Variants in FRY observed in about 807,000 individuals in gnomAD.
FRY encodes the protein FRY microtubule binding protein.
Under a neutral mutation model 348.4 loss-of-function variants are expected in FRY, and 128 were observed. The observed-to-expected ratio is 0.37, with a 90% CI of 0.32 to 0.43. The LOEUF (loss-of-function observed/expected upper bound fraction) is 0.43, where lower values mean the gene tolerates loss of function less well. FRY is among the 20% of genes least tolerant of loss of function. FRY has a pLI of 1.00. For synonymous variants in FRY, 1,370 were observed against 1,374.7 expected, an observed-to-expected ratio of 1.00 and a Z score of 0.08; for missense variants, 2,736 against 3,695.2, an observed-to-expected ratio of 0.74 and a Z score of 6.73.
In FRY at chr13:32,236,109, A is replaced by G; in HGVS notation, c.5747A>G (p.Glu1916Gly). Reference sequence around the variant, plus strand: ...GTAATGGAAGCGCTCCTAACCTTGGAGGCGGCTGTGGATAACTTGTCTGAC... The same window carrying G: ...GTAATGGAAGCGCTCCTAACCTTGGGGGCGGCTGTGGATAACTTGTCTGAC... The part of the protein sequence containing the change: ...GYVMEALLTL[E>G]AAVDNLSDCL... Residue 1916 changes from glutamate to glycine, a missense_variant, in exon 43 of 61, where the codon GAG becomes GGG. By Grantham distance (98) the Glu-to-Gly change is moderately conservative. Around this residue, in one of 9 missense-constraint regions of FRY, gnomAD observed 794 missense variants for 977.0 expected, o/e 0.81. Coordinates refer to ENST00000542859, the MANE Select transcript of FRY (RefSeq NM_023037.3). The G allele has an allele frequency of 6.2e-7, 1 of 1,614,038 alleles. No individual in the cohort carries two copies. Among genetic ancestry groups the G allele is most frequent in the Non-Finnish European group, 8.5e-7 (1 of 1,179,906 alleles).
rs1566146129 is a variant in FRY at position 32,224,330 on chromosome 13, G to A, written c.4861G>A (p.Ala1621Thr). The A allele has an allele frequency of 1.2e-6, 2 of 1,613,918 alleles. No individual in the cohort carries two copies. The highest frequency in any genetic ancestry group is 1.7e-6 in the Non-Finnish European group (2 of 1,179,944). Reference protein sequence around the residue: ...LPMPCTGGCWAPLVDYLPETI... With the variant: ...LPMPCTGGCWTPLVDYLPETI... The stretch of plus-strand genomic sequence containing the variant: ...GATGCCTTGTACTGGAGGATGCTGG[G>A]CCCCCCTGGTTGACTATCTCCCGGA... Residue 1621 changes from alanine to threonine, a missense_variant, in exon 37 of 61, where the codon GCC becomes ACC. Ala to Thr is a moderately conservative substitution (Grantham distance 58). This residue lies in a region of FRY where 794 missense variants were observed against 977.0 expected (regional missense o/e 0.81). Transcript: ENST00000542859.
chr13:32,064,945 C>A (rs972587622), intron 1 of FRY, among the ~76,000 whole-genome samples: 1 of 152,218 alleles, frequency 6.6e-6, no homozygotes, highest in Non-Finnish European at 1.5e-5. Flanking sequence ...CACCTCCACT[C>A]ATCCTTGCTG....
At chr13:32,235,064 T>G (rs1299338086) in intron 42 of FRY, among the ~76,000 whole-genome samples, 1 of 152,216 alleles carries the variant, frequency 6.6e-6, no homozygotes, top group African/African-American at 2.4e-5. Flanking sequence ...GGGATTATTT[T>G]GTATAGTTTG....
chr13:32,063,410 G>A (rs373151664), intron 1 of FRY, among the ~76,000 whole-genome samples: 5 of 152,246 alleles, frequency 3.3e-5, no homozygotes, highest in African/African-American at 1.2e-4. Context: ...ATAACAGTAT[G>A]GGAAATACTA....
intron 17 of FRY, among the ~76,000 whole-genome samples, chr13:32,164,899 T>G (rs1261656545): frequency 6.6e-6 from 1 of 152,220 alleles, no homozygotes; most frequent in Non-Finnish European, 1.5e-5. Flanking sequence ...CTCCTTTCCT[T>G]GTCACTTCCT....
chr13:32,208,091 T>C (rs1884458825), intron 31 of FRY, among the ~76,000 whole-genome samples: 1 of 152,246 alleles, frequency 6.6e-6, no homozygotes, highest in South Asian at 2.1e-4. Context: ...GTGAAATAAC[T>C]GGACCAGACC....
chr13:32,231,116 T>C, intron 40 of FRY, 63 bp from the exon 41 acceptor site: 1 of 1,433,344 alleles, frequency 7.0e-7, no homozygotes, highest in South Asian at 1.2e-5. Flanking sequence ...CAGGACTGTA[T>C]GTGTAGTTTT....
rs1885732464 is a variant in FRY, at chr13:32,228,562, C to T, written c.5313C>T (p.Asn1771=). 6.2e-7 allele frequency: 1 copy of T among 1,613,994 alleles called. No individual in the cohort carries two copies. The highest frequency in any genetic ancestry group is 8.5e-7 in the Non-Finnish European group (1 of 1,179,906). Reference sequence around the variant, plus strand: ...TCAGTCTGGGAGGCAGCAGTGGAAACCTCCCACAGATGACCCAGGAGGTAG... The same window carrying T: ...TCAGTCTGGGAGGCAGCAGTGGAAATCTCCCACAGATGACCCAGGAGGTAG... ...SSISLGGSSG[N]LPQMTQEVED... is the part of the protein sequence containing the mutation. The change falls in exon 40 of 61, where the codon AAC becomes AAT. Residue 1771 remains asparagine (N), a synonymous_variant. Transcript: ENST00000542859.
Position 32,261,763 on chromosome 13 carries a change from T to A in FRY, c.7564T>A (p.Ser2522Thr), listed in dbSNP as rs1887659534. Reference protein sequence around the residue: ...NKMHHEDSDESSEEEDLTASQ... With the variant: ...NKMHHEDSDETSEEEDLTASQ... ...AATGCACCATGAGGACTCCGATGAA[T>A]CATCCGAGGAGGAGGACCTCACAGC... Residue 2522 changes from serine to threonine, a missense_variant, in exon 52 of 61, where the codon TCA (serine) becomes ACA (threonine). Physicochemically the swap from Ser to Thr is moderately conservative, Grantham distance 58. Around this residue, in one of 9 missense-constraint regions of FRY, gnomAD observed 789 missense variants for 996.2 expected, o/e 0.79. Transcript: ENST00000542859. 1 of 1,614,058 alleles carries A rather than the reference T, an allele frequency of 6.2e-7. No individual in the cohort carries two copies. The highest frequency in any genetic ancestry group is 1.7e-5 in the Admixed American group (1 of 60,012).
intron 46 of FRY, among the ~76,000 whole-genome samples, 190 bp from the exon 47 acceptor site, chr13:32,243,852 C>T (rs9590853): frequency 1.4e-3 from 214 of 152,224 alleles, no homozygotes; most frequent in Non-Finnish European, 2.7e-3. Flanking sequence ...CAGATACTTT[C>T]GAGCTGAGGC....
At position 32,254,624 on chromosome 13, in the gene FRY, G is replaced by A. The variant is rs1002261842; in HGVS notation, c.7416+230G>A. On this transcript the variant is annotated intron_variant, in intron 51 of 60. Transcript: ENST00000542859. ...AAAGCTGCCAAGTTATTTCTAAACGGCAAAGACCTGAGTTTTAATGACCAC... is the reference window on the plus strand; with the variant it reads ...AAAGCTGCCAAGTTATTTCTAAACGACAAAGACCTGAGTTTTAATGACCAC... Among the ~76,000 whole-genome samples, 10 of 152,174 alleles carry A rather than the reference G, an allele frequency of 6.6e-5. No homozygotes were observed. In the East Asian group the frequency reaches 1.9e-3, roughly 29 times the overall value.
intron 1 of FRY, among the ~76,000 whole-genome samples, chr13:32,060,078 A>G (rs138822729): frequency 6.6e-6 from 1 of 152,332 alleles, no homozygotes; most frequent in Non-Finnish European, 1.5e-5. Flanking sequence ...CTATATTGCT[A>G]AAGAAAACCT....
rs543466674 is a variant in FRY at position 32,293,836 on chromosome 13, C to T, written c.8581-532C>T. Among the ~76,000 whole-genome samples the T allele has an allele frequency of 2.3e-4, 35 of 152,318 alleles. No homozygotes were observed. In the East Asian group the frequency reaches 6.0e-3, roughly 26 times the overall value. On this transcript the variant is annotated intron_variant, in intron 59 of 60. Coordinates refer to ENST00000542859, the MANE Select transcript of FRY (RefSeq NM_023037.3). Reference sequence around the variant, plus strand: ...GAAAAACTTATTATTAGGACAGCGTCCATGGTCACAATTACATTAATTGAG... The same window carrying T: ...GAAAAACTTATTATTAGGACAGCGTTCATGGTCACAATTACATTAATTGAG...
chr13:32,130,323 G>A (rs927861099), intron 7 of FRY, among the ~76,000 whole-genome samples: 1 of 152,068 alleles, frequency 6.6e-6, no homozygotes, highest in South Asian at 2.1e-4. Flanking sequence ...TTACAGGCTT[G>A]AGCCACAGCA....
chr13:32,264,289 G>C (rs941362855), intron 53 of FRY, among the ~76,000 whole-genome samples: 11 of 152,100 alleles, frequency 7.2e-5, no homozygotes, highest in African/African-American at 2.4e-4. Flanking sequence ...CTCAAACTCA[G>C]TATTTACCAG....
chr13:32,067,542 A>G (rs1326436447), intron 1 of FRY, among the ~76,000 whole-genome samples: 1 of 152,196 alleles, frequency 6.6e-6, no homozygotes, highest in Non-Finnish European at 1.5e-5. Flanking sequence ...AGATGATAGA[A>G]TCTCCCTAAT....
chr13:32,102,837 G>A (rs538491705), intron 3 of FRY, among the ~76,000 whole-genome samples: 18 of 152,272 alleles, frequency 1.2e-4, no homozygotes, highest in African/African-American at 3.6e-4. Context: ...AGGACATTAT[G>A]TTCTTCAAAA....
intron 1 of FRY, among the ~76,000 whole-genome samples, chr13:32,063,002 G>A (rs28580332): frequency 0.12 from 18,778 of 151,878 alleles, 1,394 homozygotes; most frequent in Middle Eastern, 0.22. Flanking sequence ...AATGTATATT[G>A]TACTTGTGTA....
rs189135344 is a variant in FRY at position 32,032,554 on chromosome 13, A to G, written c.70+689A>G. On this transcript the variant is annotated intron_variant, in intron 1 of 60. Transcript: ENST00000542859. ...GAGGTTCTGACCCTAATTATTTATT[A>G]GGATAGCAGAATATGATGGCTCCTG... Among the ~76,000 whole-genome samples, 169 of 152,326 alleles carry G rather than the reference A, an allele frequency of 1.1e-3. 1 individual carries two copies. Among genetic ancestry groups the G allele is most frequent in the African/African-American group, 3.9e-3 (163 of 41,576 alleles).
Sources: gnomAD v4.1 joint callset for allele counts (sites outside exome capture counted in the v4.1 genomes callset) on GRCh38, gnomAD v4.1.1 for gene constraint, gnomAD v4.1.1 regional missense constraint, MANE v1.5 for transcripts, NCBI Gene and HGNC (gene_info 2026-07-23, HGNC 2026-07-21) for gene names.